The following BCAS3 variants were observed in gnomAD, a reference collection of about 807,000 sequenced individuals.
BCAS3 encodes the protein BCAS4/BCAS3 fusion.
A neutral mutation model predicts 116.1 loss-of-function variants in BCAS3; 53 were observed. That is an observed-to-expected ratio of 0.46 (90% CI 0.37 to 0.57). The LOEUF is 0.57. BCAS3 is among the 20% of genes least tolerant of loss of function. BCAS3 has a pLI of 0.00. For synonymous variants in BCAS3, 391 were observed against 408.2 expected (o/e 0.96, Z 0.51); for missense variants, 917 against 1,165.4 (o/e 0.79, Z 3.10).
At chr17:61,175,298 T>C (rs2079072618) in intron 22 of BCAS3, among the ~76,000 whole-genome samples, 1 of 151,890 alleles carries the variant, frequency 6.6e-6, no homozygotes, top group South Asian at 2.1e-4. Context: ...TCCCAGCTAC[T>C]CAGGAGACTG....
intron 13 of BCAS3, among the ~76,000 whole-genome samples, chr17:60,946,927 A>G (rs955166727): frequency 6.6e-5 from 10 of 152,142 alleles, no homozygotes; most frequent in African/African-American, 2.4e-4. Flanking sequence ...AAAATAAAAT[A>G]AAATTATGAA....
chr17:60,996,387 T>C (rs1373324505), intron 15 of BCAS3, among the ~76,000 whole-genome samples: 12 of 152,194 alleles, frequency 7.9e-5, no homozygotes, highest in Non-Finnish European at 4.4e-5. Context: ...ATATTTTTTA[T>C]GGTATGGCGA....
At chr17:61,193,946 G>A (rs938633697) in intron 22 of BCAS3, among the ~76,000 whole-genome samples, 3 of 150,764 alleles carry the variant, frequency 2.0e-5, no homozygotes, top group Non-Finnish European at 4.4e-5. Context: ...ACGAAACCCC[G>A]TCTATACTAA....
intron 16 of BCAS3, among the ~76,000 whole-genome samples, chr17:61,025,135 C>T (rs1295744806): frequency 6.6e-6 from 1 of 152,022 alleles, no homozygotes; most frequent in Non-Finnish European, 1.5e-5. Context: ...CATTTCAGAA[C>T]GGGCTCACTA....
chr17:60,972,509 T>C (rs943121469), intron 14 of BCAS3, among the ~76,000 whole-genome samples: 4 of 149,020 alleles, frequency 2.7e-5, no homozygotes, highest in Non-Finnish European at 4.4e-5. Context: ...AGTGTAGTAG[T>C]GCAATCATTG....
Position 60,868,682 on chromosome 17 carries a change from C to T in BCAS3, c.583C>T (p.Arg195Trp), listed in dbSNP as rs377752373. ...TATTTATGATCTCCATTGCAATAAA[C>T]GGTAAGGATTTTTTCATGGGTTTCT... Reference protein sequence around the residue: ...TPIYDLHCNKRILVVVLQEKI... With the variant: ...TPIYDLHCNKWILVVVLQEKI... The change falls in exon 8 of 24, where the codon CGG becomes TGG. Residue 195 changes from arginine (R) to tryptophan (W), a missense_variant and splice_region_variant. Coordinates refer to ENST00000407086, the MANE Select transcript of BCAS3 (RefSeq NM_017679.5). The T allele has an allele frequency of 8.1e-5, 127 of 1,560,608 alleles. No homozygotes were observed. Among genetic ancestry groups the T allele is most frequent in the African/African-American group, 1.5e-4 (11 of 71,758 alleles).
Position 61,233,191 on chromosome 17 carries a change from G to A in BCAS3, c.2426-135136G>A, listed in dbSNP as rs563984665. 1.3e-5 allele frequency among the ~76,000 whole-genome samples: 2 copies of A among 152,304 alleles called. No homozygotes were observed. The highest frequency in any genetic ancestry group is 1.3e-4 in the Admixed American group (2 of 15,300). ...TATTATCTAGCAACACTCTTTGAGG[G>A]ATAATGGAAAGGAGGTGATAAAGAT... On this transcript the variant is annotated intron_variant, in intron 22 of 23. Coordinates refer to ENST00000407086, the MANE Select transcript of BCAS3 (RefSeq NM_017679.5). The surrounding 1 kb of genome is among the most constrained non-coding windows in gnomAD (Gnocchi z 4.3).
At chr17:61,210,838 G>A (rs188222115) in intron 22 of BCAS3, among the ~76,000 whole-genome samples, 4 of 152,250 alleles carry the variant, frequency 2.6e-5, no homozygotes, top group Admixed American at 6.5e-5. Context: ...CAGAGAAGCC[G>A]CTTTTCACGG....
At chr17:61,000,614 G>A (rs762288350) in intron 15 of BCAS3, among the ~76,000 whole-genome samples, 8 of 152,090 alleles carry the variant, frequency 5.3e-5, no homozygotes, top group Non-Finnish European at 1.0e-4. Flanking sequence ...CTGTTAATGT[G>A]AGAGTCTATA....
At chr17:61,040,975 AC>A in intron 19 of BCAS3, 83 bp downstream of exon 19, 1 of 1,176,152 alleles carries the variant, frequency 8.5e-7, no homozygotes, top group Non-Finnish European at 1.3e-6. Flanking sequence ...AGCAAACATT[AC>A]CACTGGTCCA....
At chr17:60,979,965 G>A (rs1385188287) in intron 14 of BCAS3, among the ~76,000 whole-genome samples, 1 of 151,776 alleles carries the variant, frequency 6.6e-6, no homozygotes, top group Non-Finnish European at 1.5e-5. Context: ...CTCTTTTTTG[G>A]TTGTGTATTT....
chr17:61,084,486 G>T lies in BCAS3; in HGVS notation c.2347G>T (p.Asp783Tyr). Residue 783 changes from aspartate to tyrosine, a missense_variant, in exon 22 of 24, where the codon GAC becomes TAC. Coordinates refer to ENST00000407086, the MANE Select transcript of BCAS3 (RefSeq NM_017679.5). This position sits in a 1 kb window ranked among gnomAD's most constrained non-coding sequence, Gnocchi z 5.5. The part of the protein sequence containing the change: ...NSLRIQPVRS[D>Y]PVSMPGSSRP... ...TTGCAGGATCCAGCCAGTCCGCTCT[G>T]ACCCCGTCAGCATGCCAGGGTCATC... 6.2e-7 allele frequency: 1 copy of T among 1,613,984 alleles called. No individual in the cohort carries two copies. The highest frequency in any genetic ancestry group is 1.1e-5 in the South Asian group (1 of 91,048).
intron 19 of BCAS3, among the ~76,000 whole-genome samples, chr17:61,047,851 G>A (rs1281384728): frequency 1.3e-5 from 2 of 151,948 alleles, no homozygotes; most frequent in African/African-American, 2.4e-5. Flanking sequence ...CAGGTAATTT[G>A]GCAGCAACAG....
intron 7 of BCAS3, among the ~76,000 whole-genome samples, chr17:60,822,405 C>T (rs372169047): frequency 7.9e-5 from 12 of 152,140 alleles, no homozygotes; most frequent in African/African-American, 2.9e-4. Flanking sequence ...TGTTATTTGG[C>T]CATTTTGAGT....
Position 61,339,322 on chromosome 17 carries a change from G to A in BCAS3, c.2426-29005G>A, listed in dbSNP as rs932268911. 6.6e-6 allele frequency among the ~76,000 whole-genome samples: 1 copy of A among 152,216 alleles called. No homozygotes were observed. The highest frequency in any genetic ancestry group is 6.5e-5 in the Admixed American group (1 of 15,288). On this transcript the variant is annotated intron_variant, in intron 22 of 23. Coordinates refer to ENST00000407086, the MANE Select transcript of BCAS3 (RefSeq NM_017679.5). This position sits in a 1 kb window ranked among gnomAD's most constrained non-coding sequence, Gnocchi z 4.4. ...AAGAAAGGGTTTTGGTTTGGTGAGT[G>A]CACTGGCTCCCTTGGATCCAGGGGA...
In BCAS3 at chr17:60,844,615, T is replaced by C. The variant is rs529830497; in HGVS notation, c.477-23961T>C. Among the ~76,000 whole-genome samples, 11 of 152,342 alleles carry C rather than the reference T, an allele frequency of 7.2e-5. No individual in the cohort carries two copies. In the South Asian group the frequency reaches 2.3e-3, roughly 32 times the overall value. ...CTTGCCCTTGGTTCAGATACCTTTG[T>C]TGGTCTAACTAAGGGGGAGGGCCCT... On this transcript the variant is annotated intron_variant, in intron 7 of 23. Coordinates refer to ENST00000407086, the MANE Select transcript of BCAS3 (RefSeq NM_017679.5).
At chr17:60,976,068 G>T (rs1410177153) in intron 14 of BCAS3, among the ~76,000 whole-genome samples, 6 of 106,414 alleles carry the variant, frequency 5.6e-5, no homozygotes, top group African/African-American at 2.2e-4. Flanking sequence ...TTGCTCTGTC[G>T]CCCAGGCTGG....
intron 6 of BCAS3, among the ~76,000 whole-genome samples, chr17:60,774,316 G>C (rs2045061939): frequency 6.6e-6 from 1 of 152,140 alleles, no homozygotes; most frequent in African/African-American, 2.4e-5. Context: ...GTGCATGTGT[G>C]TGTGCAGAGA....
In BCAS3 at chr17:61,009,964, G is replaced by T. The variant is rs893961145; in HGVS notation, c.1487-5787G>T. ...GTTTGTCAAAGCCCAGTAAATCTTA[G>T]AAAGTTTATTTTCCTTGTAGCATCT... is the stretch of plus-strand genomic sequence containing the variant. On this transcript the variant is annotated intron_variant, in intron 15 of 23. Transcript: ENST00000407086. 1.6e-4 allele frequency among the ~76,000 whole-genome samples: 25 copies of T among 151,786 alleles called. 1 individual carries two copies. The highest frequency in any genetic ancestry group is 1.2e-4 in the Non-Finnish European group (8 of 67,906).
Sources: gnomAD v4.1 joint callset for allele counts (sites outside exome capture counted in the v4.1 genomes callset) on GRCh38, gnomAD v4.1.1 for gene constraint, Gnocchi (gnomAD v3.1) non-coding constraint, MANE v1.5 for transcripts, NCBI Gene and HGNC (gene_info 2026-07-23, HGNC 2026-07-21) for gene names.